Variants in USP43 observed in about 807,000 individuals in gnomAD.
USP43 encodes the protein ubiquitin carboxyl-terminal hydrolase 43.
A neutral mutation model predicts 90.7 loss-of-function variants in USP43; 33 were observed. The observed-to-expected ratio is 0.36, with a 90% CI of 0.28 to 0.49. USP43 has a LOEUF of 0.49. Among genes scored for constraint, USP43 ranks in the 20% least tolerant of loss-of-function variants. USP43 has a pLI of 0.98. For missense variants in USP43, 1,274 were observed against 1,476.4 expected (o/e 0.86, Z 2.25); for synonymous variants, 598 against 615.8 (o/e 0.97, Z 0.43).
At chr17:9,699,960 G>C (rs1455968280) in intron 9 of USP43, among the ~76,000 whole-genome samples, 1 of 152,162 alleles carries the variant, frequency 6.6e-6, no homozygotes, top group African/African-American at 2.4e-5. Flanking sequence ...TGGGAATGAG[G>C]GGAGGCACTG....
Position 9,656,199 on chromosome 17 carries a change from A to G in USP43, c.505-204A>G, listed in dbSNP as rs138385729. 4.3e-3 allele frequency among the ~76,000 whole-genome samples: 649 copies of G among 152,230 alleles called. 3 individuals are homozygous for G. The highest frequency in any genetic ancestry group is 0.015 in the African/African-American group (612 of 41,542). On this transcript the variant is annotated intron_variant, in intron 1 of 14. Coordinates refer to ENST00000285199, the MANE Select transcript of USP43 (RefSeq NM_153210.5). ...GGGAAGAAAATGTCTTCTCCCATAT[A>G]CAGAGACCCTCATACCATTTGGGGA...
intron 8 of USP43, among the ~76,000 whole-genome samples, chr17:9,688,402 G>C (rs1914728142): frequency 6.7e-6 from 1 of 150,340 alleles, no homozygotes; most frequent in Non-Finnish European, 1.5e-5. Context: ...CCAGGCTGGA[G>C]TGCAGTGGCG....
chr17:9,653,674 A>T (rs1230356837), intron 1 of USP43, among the ~76,000 whole-genome samples: 2 of 151,468 alleles, frequency 1.3e-5, no homozygotes, highest in East Asian at 3.9e-4. Flanking sequence ...ACTTACCTGG[A>T]GCTTTGAAAC....
intron 7 of USP43, among the ~76,000 whole-genome samples, chr17:9,683,974 A>G (rs1003599261): frequency 6.6e-6 from 1 of 152,044 alleles, no homozygotes; most frequent in Non-Finnish European, 1.5e-5. Flanking sequence ...CATCTCTACT[A>G]AAAGTACAAA....
intron 3 of USP43, 61 bp downstream of exon 3, chr17:9,666,812 A>G (rs1913063593): frequency 7.5e-7 from 1 of 1,334,648 alleles, no homozygotes; most frequent in Non-Finnish European, 1.1e-6. Flanking sequence ...AATTCCTGGT[A>G]ACCAGTCTCC....
chr17:9,710,149 G>A, intron 13 of USP43, 35 bp downstream of exon 13: 1 of 1,395,970 alleles, frequency 7.2e-7, no homozygotes, highest in Non-Finnish European at 9.4e-7. Context: ...AGGGGGGTGT[G>A]GGGAAGTCAC....
chr17:9,704,315 G>T (rs374889147), intron 12 of USP43, among the ~76,000 whole-genome samples: 2 of 151,764 alleles, frequency 1.3e-5, no homozygotes, highest in African/African-American at 4.8e-5. Context: ...TTTTTGTTTT[G>T]TTTGTGAGAT....
At chr17:9,655,874 G>A (rs1007773802) in intron 1 of USP43, among the ~76,000 whole-genome samples, 1 of 152,204 alleles carries the variant, frequency 6.6e-6, no homozygotes, top group Non-Finnish European at 1.5e-5. Context: ...CATGCATGGT[G>A]TTTAAGGAAA....
intron 14 of USP43, among the ~76,000 whole-genome samples, chr17:9,713,187 C>T (rs142929756): frequency 2.0e-5 from 3 of 152,022 alleles, no homozygotes; most frequent in African/African-American, 7.3e-5. Context: ...CTCCCGGGTT[C>T]GAGCAATACT....
chr17:9,707,230 A>G (rs1010595779), intron 12 of USP43, among the ~76,000 whole-genome samples: 3 of 152,206 alleles, frequency 2.0e-5, no homozygotes, highest in East Asian at 3.8e-4. Flanking sequence ...GTACGCGCAC[A>G]TGTGTGTTTA....
At chr17:9,684,165 A>G (rs1264561422) in intron 7 of USP43, among the ~76,000 whole-genome samples, 1 of 152,034 alleles carries the variant, frequency 6.6e-6, no homozygotes, top group Non-Finnish European at 1.5e-5. Flanking sequence ...AAAATAAAAA[A>G]TAAATTAATA....
At position 9,701,303 on chromosome 17, in the gene USP43, T is replaced by A; in HGVS notation, c.1663-49T>A. The A allele has an allele frequency of 6.3e-7, 1 of 1,589,796 alleles. No homozygotes were observed. Among genetic ancestry groups the A allele is most frequent in the Non-Finnish European group, 8.6e-7 (1 of 1,166,968 alleles). ...AAGGGGGCTGGCTGCCTTTGGTGGGTTGGCCACGTGCTGCGGGGGCCTCAC... is the reference window on the plus strand; with the variant it reads ...AAGGGGGCTGGCTGCCTTTGGTGGGATGGCCACGTGCTGCGGGGGCCTCAC... On this transcript the variant is annotated intron_variant, in intron 11 of 14. Coordinates refer to ENST00000285199, the MANE Select transcript of USP43 (RefSeq NM_153210.5). This position sits in a 1 kb window ranked among gnomAD's most constrained non-coding sequence, Gnocchi z 7.2.
intron 14 of USP43, among the ~76,000 whole-genome samples, chr17:9,717,235 A>G (rs1051420294): frequency 1.3e-5 from 2 of 151,148 alleles, no homozygotes; most frequent in African/African-American, 4.9e-5. Flanking sequence ...GTTCGGTTTC[A>G]GAGTTGTTTC....
In USP43 at chr17:9,728,171, G is replaced by A. The variant is rs527295800; in HGVS notation, c.2553G>A (p.Ser851=). 14 of 1,613,952 alleles carry A rather than the reference G, an allele frequency of 8.7e-6. No homozygotes were observed. The highest frequency in any genetic ancestry group is 2.7e-5 in the African/African-American group (2 of 75,052). Residue 851 remains serine, a synonymous_variant, in exon 15 of 15, where the codon TCG becomes TCA. Coordinates refer to ENST00000285199, the MANE Select transcript of USP43 (RefSeq NM_153210.5). This position sits in a 1 kb window ranked among gnomAD's most constrained non-coding sequence, Gnocchi z 6.2. ...RPRSTSQSIV[S]LLTGTAGEDE... is the part of the protein sequence containing the mutation. ...GGTCCACGAGCCAGTCCATTGTGTC[G>A]CTGTTGACGGGCACTGCGGGTGAGG...
intron 2 of USP43, among the ~76,000 whole-genome samples, chr17:9,661,666 G>T (rs1912648952): frequency 6.6e-6 from 1 of 152,114 alleles, no homozygotes; most frequent in African/African-American, 2.4e-5. Flanking sequence ...CATCCTTTGT[G>T]ATTTTAATGG....
At chr17:9,655,962 G>T (rs982345802) in intron 1 of USP43, among the ~76,000 whole-genome samples, 27 of 152,198 alleles carry the variant, frequency 1.8e-4, no homozygotes, top group African/African-American at 6.3e-4. Context: ...CAGCGAGGGA[G>T]AGCAAGTAGG....
chr17:9,670,600 C>G (rs965792814), intron 3 of USP43, among the ~76,000 whole-genome samples: 2 of 151,996 alleles, frequency 1.3e-5, no homozygotes, highest in Non-Finnish European at 2.9e-5. Context: ...AGGTGAGACT[C>G]TAGGGTGACT....
At chr17:9,689,948 C>A (rs529291333) in intron 8 of USP43, among the ~76,000 whole-genome samples, 1 of 152,270 alleles carries the variant, frequency 6.6e-6, no homozygotes, top group South Asian at 2.1e-4. Context: ...TCAATCAAAG[C>A]CCCTGAAGTC....
At chr17:9,696,314 AG>A (rs1915262715) in intron 9 of USP43, among the ~76,000 whole-genome samples, 1 of 151,916 alleles carries the variant, frequency 6.6e-6, no homozygotes, top group South Asian at 2.1e-4. Flanking sequence ...CTTGTATTTT[AG>A]TATAAACGGG....
Sources: allele counts gnomAD v4.1 joint callset (sites outside exome capture counted in the v4.1 genomes callset), GRCh38; gene constraint gnomAD v4.1.1; non-coding constraint Gnocchi (gnomAD v3.1); transcripts MANE v1.5; gene names NCBI Gene and HGNC (gene_info 2026-07-23, HGNC 2026-07-21).